MAP3K5: variants seen among roughly 807,000 people sequenced by gnomAD.
The protein encoded by MAP3K5 is ASK-1.
MAP3K5 carries 56 observed loss-of-function variants against 158.7 expected under a neutral mutation model. The observed-to-expected ratio is 0.35, with a 90% CI of 0.28 to 0.44. The LOEUF (loss-of-function observed/expected upper bound fraction) is 0.44. Ranked by LOEUF, MAP3K5 falls within the 20% of genes least tolerant of loss-of-function variation. MAP3K5 has a pLI of 1.00. For synonymous variants in MAP3K5, 579 were observed against 601.7 expected, an observed-to-expected ratio of 0.96 and a Z score of 0.55; for missense variants, 1,294 against 1,674.8, an observed-to-expected ratio of 0.77 and a Z score of 3.97.
chr6:136,729,855 T>C (rs1782133353), intron 1 of MAP3K5, among the ~76,000 whole-genome samples: 1 of 152,164 alleles, frequency 6.6e-6, no homozygotes, highest in South Asian at 2.1e-4. Context: ...GTGGGGAAAC[T>C]CAACAGGATT....
rs1265563661 is a variant in MAP3K5, at chr6:136,791,996, G to A, written c.162C>T (p.Phe54=). ...HQLPPPPPGS[F]WNVESAAAPG... is the part of the protein sequence containing the mutation. ...GGGCAGCGGCGCTCTCCACGTTCCAGAAGCTGCCCGGCGGCGGCGGTGGCA... is the reference window on the plus strand; with the variant it reads ...GGGCAGCGGCGCTCTCCACGTTCCAAAAGCTGCCCGGCGGCGGCGGTGGCA... The change falls in exon 1 of 30, where the codon TTC becomes TTT. Residue 54 remains phenylalanine (F), a synonymous_variant. Coordinates refer to ENST00000359015, the MANE Select transcript of MAP3K5 (RefSeq NM_005923.4). The A allele has an allele frequency of 5.6e-6, 9 of 1,600,594 alleles. No homozygotes were observed. In the Admixed American group the frequency reaches 1.5e-4, roughly 27 times the overall value.
chr6:136,703,155 T>C (rs1324241271), intron 3 of MAP3K5, among the ~76,000 whole-genome samples: 2 of 152,188 alleles, frequency 1.3e-5, no homozygotes, highest in Admixed American at 1.3e-4. Flanking sequence ...AATGTATTGA[T>C]AGAGATGCTC....
chr6:136,639,990 G>A (rs540225677), intron 12 of MAP3K5, among the ~76,000 whole-genome samples: 2 of 151,928 alleles, frequency 1.3e-5, no homozygotes, highest in Non-Finnish European at 2.9e-5. Flanking sequence ...GGCTAACCTC[G>A]GTGATTCTGG....
intron 1 of MAP3K5, among the ~76,000 whole-genome samples, chr6:136,742,666 T>G (rs930585979): frequency 6.6e-6 from 1 of 152,146 alleles, no homozygotes; most frequent in Admixed American, 6.5e-5. Context: ...AACTAAAAAT[T>G]TCTGCTCAGC....
At chr6:136,783,083 C>T (rs554642368) in intron 1 of MAP3K5, among the ~76,000 whole-genome samples, 72 of 152,260 alleles carry the variant, frequency 4.7e-4, no homozygotes, top group Admixed American at 1.2e-3. Context: ...GCAGGAGGAT[C>T]GCTTGAGTCC....
At chr6:136,757,585 T>A (rs1783555026) in intron 1 of MAP3K5, among the ~76,000 whole-genome samples, 1 of 135,606 alleles carries the variant, frequency 7.4e-6, no homozygotes, top group African/African-American at 2.8e-5. Context: ...ATTTATTTTT[T>A]ATTTTTTTTT....
rs545793548 is a variant in MAP3K5 at position 136,768,882 on chromosome 6, C to T, written c.448+22828G>A. On this transcript the variant is annotated intron_variant, in intron 1 of 29. Coordinates refer to ENST00000359015, the MANE Select transcript of MAP3K5 (RefSeq NM_005923.4). ...GAGCCAAGATCGTGCCACTGCACTC[C>T]AGCCTGGGTGACAGACACAGTGAAA... 4.6e-5 allele frequency among the ~76,000 whole-genome samples: 7 copies of T among 150,656 alleles called. No homozygotes were observed. The East Asian group carries it at 9.8e-4, about 21-fold the overall frequency.
intron 3 of MAP3K5, among the ~76,000 whole-genome samples, chr6:136,704,320 C>T (rs1780979363): frequency 1.3e-5 from 2 of 152,072 alleles, no homozygotes. Context: ...GAGAGACGAT[C>T]TAGAAAACCC....
chr6:136,711,686 A>G (rs1235296961), intron 2 of MAP3K5, among the ~76,000 whole-genome samples: 1 of 151,926 alleles, frequency 6.6e-6, no homozygotes, highest in South Asian at 2.1e-4. Flanking sequence ...AAAGAAAGAA[A>G]GAAAGAAAAA....
chr6:136,600,693 G>T (rs938646827), intron 21 of MAP3K5, among the ~76,000 whole-genome samples: 2 of 152,032 alleles, frequency 1.3e-5, no homozygotes, highest in African/African-American at 4.8e-5. Flanking sequence ...TTTTCCACAA[G>T]AAATACATTA....
chr6:136,737,531 C>G (rs1030500799), intron 1 of MAP3K5, among the ~76,000 whole-genome samples: 34 of 152,326 alleles, frequency 2.2e-4, no homozygotes, highest in African/African-American at 7.9e-4. Flanking sequence ...CAGCCCCCGC[C>G]ATGTATCACA....
chr6:136,741,339 G>C (rs1200898289), intron 1 of MAP3K5, among the ~76,000 whole-genome samples: 4 of 151,966 alleles, frequency 2.6e-5, no homozygotes, highest in African/African-American at 4.8e-5. Context: ...CATTTGGTAT[G>C]GGAGCAAAAT....
chr6:136,787,038 G>A (rs542219768), intron 1 of MAP3K5, among the ~76,000 whole-genome samples: 28 of 152,142 alleles, frequency 1.8e-4, no homozygotes, highest in African/African-American at 6.7e-4. Flanking sequence ...TGCTTACCCT[G>A]CCATTTCACT....
intron 10 of MAP3K5, among the ~76,000 whole-genome samples, chr6:136,654,528 C>T (rs1345417355): frequency 6.6e-6 from 1 of 152,086 alleles, no homozygotes; most frequent in African/African-American, 2.4e-5. Context: ...CTCACCGCAA[C>T]CTCTGCCTCC....
At chr6:136,695,294 C>A (rs897706619) in intron 6 of MAP3K5, among the ~76,000 whole-genome samples, 2 of 152,014 alleles carry the variant, frequency 1.3e-5, no homozygotes, top group East Asian at 3.9e-4. Context: ...CACACTGCCA[C>A]ACCTGGCTAA....
At chr6:136,614,573 G>A (rs1482638165) in intron 15 of MAP3K5, among the ~76,000 whole-genome samples, 1 of 152,158 alleles carries the variant, frequency 6.6e-6, no homozygotes, top group Non-Finnish European at 1.5e-5. Context: ...GATTCACAGA[G>A]AGGATGACTG....
chr6:136,734,421 G>GA (rs1016817563), intron 1 of MAP3K5, among the ~76,000 whole-genome samples: 21,111 of 55,564 alleles, frequency 0.38, 2,870 homozygotes, highest in Non-Finnish European at 0.48. Flanking sequence ...CTCTGTCTCG[G>GA]AAAAAAAAAA....
intron 1 of MAP3K5, among the ~76,000 whole-genome samples, chr6:136,771,246 A>T (rs1784188452): frequency 6.6e-6 from 1 of 152,216 alleles, no homozygotes; most frequent in Non-Finnish European, 1.5e-5. Flanking sequence ...TACTGCAAAC[A>T]GACAACTTAC....
At chr6:136,671,780 A>G (rs987876064) in intron 7 of MAP3K5, among the ~76,000 whole-genome samples, 1 of 151,188 alleles carries the variant, frequency 6.6e-6, no homozygotes, top group Non-Finnish European at 1.5e-5. Flanking sequence ...TGCCCGAATA[A>G]TTTTTTTGTA....
Sources: gnomAD v4.1 joint callset for allele counts (sites outside exome capture counted in the v4.1 genomes callset) on GRCh38, gnomAD v4.1.1 for gene constraint, MANE v1.5 for transcripts, NCBI Gene and HGNC (gene_info 2026-07-23, HGNC 2026-07-21) for gene names.